PGLYRP3: variants seen among roughly 807,000 people sequenced by gnomAD.
The protein encoded by PGLYRP3 is peptidoglycan recognition protein I alpha.
In PGLYRP3, 39 loss-of-function variants were observed where a neutral mutation model predicts 36.0. The ratio of observed to expected loss-of-function variants is 1.08; its 90% CI spans 0.84 to 1.41. The LOEUF is 1.41. PGLYRP3 is among the 40% of genes most tolerant of loss of function. PGLYRP3 has a pLI of 0.00. For missense variants in PGLYRP3, 407 were observed against 427.9 expected (o/e 0.95, Z 0.43); for synonymous variants, 204 against 172.8 (o/e 1.18, Z -1.42).
At chr1:153,307,568 C>G (rs1188244001) in intron 2 of PGLYRP3, among the ~76,000 whole-genome samples, 1 of 152,172 alleles carries the variant, frequency 6.6e-6, no homozygotes, top group East Asian at 1.9e-4. Flanking sequence ...ATGCTCCCCT[C>G]CTTCAGAAAG....
At chr1:153,309,363 T>A (rs1432420593) in intron 2 of PGLYRP3, among the ~76,000 whole-genome samples, 2 of 152,238 alleles carry the variant, frequency 1.3e-5, no homozygotes, top group African/African-American at 4.8e-5. Flanking sequence ...TTGTCTAACA[T>A]AACAGAGGTT....
At position 153,305,053 on chromosome 1, in the gene PGLYRP3, C is replaced by A. The variant is rs1304058292; in HGVS notation, c.270G>T (p.Gly90=). 1 of 1,611,040 alleles carries A rather than the reference C, an allele frequency of 6.2e-7. No individual in the cohort carries two copies. The highest frequency in any genetic ancestry group is 1.7e-5 in the Admixed American group (1 of 59,416). ...CACCTTCATACACCCTGCCATCATCCCCAACCAGGAAGCTGACAAGAAGGA... is the reference window on the plus strand; with the variant it reads ...CACCTTCATACACCCTGCCATCATCACCAACCAGGAAGCTGACAAGAAGGA... ...WCDVAYNFLV[G]DDGRVYEGVG... The change falls in exon 4 of 8, where the codon GGG becomes GGT. Residue 90 remains glycine, a synonymous_variant. Transcript: ENST00000683862.
chr1:153,310,913 C>T (rs1479041732), intron 1 of PGLYRP3, among the ~76,000 whole-genome samples: 1 of 152,128 alleles, frequency 6.6e-6, no homozygotes, highest in African/African-American at 2.4e-5. Context: ...CACCGACTCC[C>T]CACCCACCTC....
At chr1:153,307,359 C>A in intron 2 of PGLYRP3, 92 bp from the exon 3 acceptor site, 1 of 1,238,460 alleles carries the variant, frequency 8.1e-7, no homozygotes, top group Non-Finnish European at 1.1e-6. Context: ...ATGCTCAGGC[C>A]CGACCTGCCC....
intron 2 of PGLYRP3, among the ~76,000 whole-genome samples, chr1:153,308,217 A>G (rs933069598): frequency 6.6e-6 from 1 of 152,220 alleles, no homozygotes; most frequent in Non-Finnish European, 1.5e-5. Context: ...AATGGTCTCG[A>G]TCTCGTGACC....
Position 153,307,217 on chromosome 1 carries a change from A to G in PGLYRP3, c.106T>C (p.Cys36Arg). 2 of 1,611,238 alleles carry G rather than the reference A, an allele frequency of 1.2e-6. No homozygotes were observed. Among genetic ancestry groups the G allele is most frequent in the Non-Finnish European group, 1.7e-6 (2 of 1,178,936 alleles). The change falls in exon 3 of 8, where the codon TGC (cysteine) becomes CGC (arginine). Residue 36 changes from cysteine (C) to arginine (R), a missense_variant. Cys to Arg is a radical substitution (Grantham distance 180). Coordinates refer to ENST00000683862, the MANE Select transcript of PGLYRP3 (RefSeq NM_052891.3). ...RKEWGARPLACRALLTLPVAY... is the reference protein window; with the variant it reads ...RKEWGARPLARRALLTLPVAY... ...ACAGGCAGGGTCAGCAGGGCCCTGC[A>G]GGCGAGCGGTCTTGCCCCCCACTCC...
Position 153,307,199 on chromosome 1 carries a change from G to C in PGLYRP3, c.124C>G (p.Leu42Val). Residue 42 changes from leucine (L) to valine (V), a missense_variant, in exon 3 of 8, where the codon CTG becomes GTG. Leu to Val is a conservative substitution (Grantham distance 32). Coordinates refer to ENST00000683862, the MANE Select transcript of PGLYRP3 (RefSeq NM_052891.3). Reference protein sequence around the residue: ...RPLACRALLTLPVAYIITDQL... With the variant: ...RPLACRALLTVPVAYIITDQL... ...TCTGTGATGATGTAGGCCACAGGCA[G>C]GGTCAGCAGGGCCCTGCAGGCGAGC... is the stretch of plus-strand genomic sequence containing the variant. The C allele has an allele frequency of 6.2e-7, 1 of 1,612,108 alleles. No individual in the cohort carries two copies. The highest frequency in any genetic ancestry group is 8.5e-7 in the Non-Finnish European group (1 of 1,179,274).
At chr1:153,311,432 A>G (rs1049485327) in intron 1 of PGLYRP3, among the ~76,000 whole-genome samples, 1 of 152,170 alleles carries the variant, frequency 6.6e-6, no homozygotes, top group Non-Finnish European at 1.5e-5. Flanking sequence ...CCCAGATAAT[A>G]GGGTCAGAGC....
At chr1:153,301,699 T>C (rs944678454) in intron 6 of PGLYRP3, among the ~76,000 whole-genome samples, 1 of 152,248 alleles carries the variant, frequency 6.6e-6, no homozygotes, top group Non-Finnish European at 1.5e-5. Flanking sequence ...CACATCTACC[T>C]GAGACTTTGT....
Position 153,302,495 on chromosome 1 carries a change from G to A in PGLYRP3, c.642C>T (p.Cys214=), listed in dbSNP as rs1659621548. 6.2e-7 allele frequency: 1 copy of A among 1,614,238 alleles called. No homozygotes were observed. The highest frequency in any genetic ancestry group is 2.2e-5 in the East Asian group (1 of 44,884). Residue 214 remains cysteine, a synonymous_variant, in exon 6 of 8, where the codon TGC becomes TGT. Transcript: ENST00000683862. The stretch of plus-strand genomic sequence containing the variant: ...CAGTCTGGCAGTCTGTGGATACAGT[G>A]CAGCTTGTGCCAGCGGTGTGGATGA... ...VIIIHTAGTS[C]TVSTDCQTVV...
At chr1:153,305,765 G>A (rs758907649) in intron 3 of PGLYRP3, among the ~76,000 whole-genome samples, 3 of 152,170 alleles carry the variant, frequency 2.0e-5, no homozygotes, top group Non-Finnish European at 1.5e-5. Context: ...GAGTCAGGCC[G>A]ACTTTCCACC....
At chr1:153,310,546 T>G in intron 2 of PGLYRP3, 65 bp downstream of exon 2, 1 of 1,540,186 alleles carries the variant, frequency 6.5e-7, no homozygotes, top group Non-Finnish European at 9.0e-7. Flanking sequence ...TTTCTATTAT[T>G]AAACTTGAGA....
Position 153,297,467 on chromosome 1 carries a change from AGAGAGAGAGT to A in PGLYRP3, c.*479_*488del, listed in dbSNP as rs1339199431. Among the ~76,000 whole-genome samples, 1 of 142,840 alleles carries A rather than the reference AGAGAGAGAGT, an allele frequency of 7.0e-6. No homozygotes were observed. Among genetic ancestry groups the A allele is most frequent in the East Asian group, 2.1e-4 (1 of 4,794 alleles). The allele number at this position is 142,840 out of a possible 152,430, so 93.7% of individuals were successfully genotyped here. ...GGGAGAGGGGGAGAGAGAGAGAGAG[AGAGAGAGAGT>A]GAGAAAGCAAGAAAGAAGGTGAAAG... On this transcript the variant is annotated 3_prime_UTR_variant, in exon 8 of 8. Transcript: ENST00000683862.
intron 7 of PGLYRP3, 126 bp downstream of exon 7, chr1:153,298,986 CT>C (rs1457251625): frequency 2.5e-5 from 19 of 763,206 alleles, no homozygotes; most frequent in Non-Finnish European, 3.9e-5. Context: ...TAAGAGTCCA[CT>C]TTAAAGCTAA....
In PGLYRP3 at chr1:153,297,206, T is replaced by G. The variant is rs774049079; in HGVS notation, c.*750A>C. Reference sequence around the variant, plus strand: ...ACTGCTGAGGAACTGAGGATAGAGATGAATAAAATAGAATTCCTCCCTTGG... The same window carrying G: ...ACTGCTGAGGAACTGAGGATAGAGAGGAATAAAATAGAATTCCTCCCTTGG... On this transcript the variant is annotated 3_prime_UTR_variant, in exon 8 of 8. Transcript: ENST00000683862. 2.6e-5 allele frequency among the ~76,000 whole-genome samples: 4 copies of G among 152,050 alleles called. No individual in the cohort carries two copies. The highest frequency in any genetic ancestry group is 4.4e-5 in the Non-Finnish European group (3 of 68,020).
At position 153,297,538 on chromosome 1, in the gene PGLYRP3, G is replaced by GAAAGAAAAA. The variant is rs1557805266; in HGVS notation, c.*417_*418insTTTTTCTTT. On this transcript the variant is annotated 3_prime_UTR_variant, in exon 8 of 8. Coordinates refer to ENST00000683862, the MANE Select transcript of PGLYRP3 (RefSeq NM_052891.3). ...AGGAAGGAAGGAAGGAAGGAAGGAA[G>GAAAGAAAAA]GAAGGAAGGAAGGAAAGAAAGAAAA... 2.3e-5 allele frequency among the ~76,000 whole-genome samples: 2 copies of GAAAGAAAAA among 85,956 alleles called. No individual in the cohort carries two copies. Among genetic ancestry groups the GAAAGAAAAA allele is most frequent in the African/African-American group, 1.0e-4 (2 of 19,586 alleles). The allele number at this position is 85,956 out of a possible 152,430, so 56.4% of individuals were successfully genotyped here. A position where few individuals can be genotyped will look rare whatever the true frequency, so the allele number is the denominator to read the frequency against.
rs962820519 is a variant in PGLYRP3, at chr1:153,305,016, T to G, written c.307A>C (p.Ile103Leu). The G allele has an allele frequency of 1.9e-6, 3 of 1,613,864 alleles. No homozygotes were observed. The highest frequency in any genetic ancestry group is 1.6e-4 in the Middle Eastern group (1 of 6,082). The stretch of plus-strand genomic sequence containing the variant: ...TAGCCCTGGGTGTGCAAGCCTTGGA[T>G]GTTCCAGCCAACACCTTCATACACC... ...GRVYEGVGWNIQGLHTQGYNN... is the reference protein window; with the variant it reads ...GRVYEGVGWNLQGLHTQGYNN... The change falls in exon 4 of 8, where the codon ATC becomes CTC. Residue 103 changes from isoleucine (I) to leucine (L), a missense_variant. Transcript: ENST00000683862.
chr1:153,297,499 A>AAGGAAGGAAGG lies in PGLYRP3; in HGVS notation c.*456_*457insCCTTCCTTCCT. On this transcript the variant is annotated 3_prime_UTR_variant, in exon 8 of 8. Coordinates refer to ENST00000683862, the MANE Select transcript of PGLYRP3 (RefSeq NM_052891.3). ...GAGTGAGAAAGCAAGAAAGAAGGTG[A>AAGGAAGGAAGG]AAGGAAGGAAGGAAGGAAGGAAGGA... Among the ~76,000 whole-genome samples the AAGGAAGGAAGG allele has an allele frequency of 1.9e-5, 1 of 52,746 alleles. No individual in the cohort carries two copies. The allele number at this position is 52,746 out of a possible 152,430, so 34.6% of individuals were successfully genotyped here.
At chr1:153,311,635 C>A (rs941919324) in intron 1 of PGLYRP3, among the ~76,000 whole-genome samples, 1 of 152,220 alleles carries the variant, frequency 6.6e-6, no homozygotes, top group Admixed American at 6.5e-5. Flanking sequence ...CTCAGTCAGA[C>A]TGAAACTTTA....
Sources: gnomAD v4.1 joint callset for allele counts (sites outside exome capture counted in the v4.1 genomes callset) on GRCh38, gnomAD v4.1.1 for gene constraint, MANE v1.5 for transcripts, NCBI Gene and HGNC (gene_info 2026-07-23, HGNC 2026-07-21) for gene names.